The following PHACTR2 variants were observed in gnomAD, a reference collection of about 807,000 sequenced individuals.
PHACTR2 encodes the protein chromosome 6 open reading frame 56.
Under a neutral mutation model 76.0 loss-of-function variants are expected in PHACTR2, and 30 were observed. That is an observed-to-expected ratio of 0.39 (90% confidence interval 0.30 to 0.54). PHACTR2 has a LOEUF of 0.54. Among genes scored for constraint, PHACTR2 ranks in the 20% least tolerant of loss-of-function variants. PHACTR2 has a pLI of 0.61. For missense variants in PHACTR2, 696 were observed against 781.1 expected (o/e 0.89, Z 1.30); for synonymous variants, 292 against 292.5 (o/e 1.00, Z 0.02).
Position 143,751,754 on chromosome 6 carries a change from A to G in PHACTR2, c.296-2000A>G, listed in dbSNP as rs757084999. On this transcript the variant is annotated intron_variant, in intron 3 of 12. Coordinates refer to ENST00000440869, the MANE Select transcript of PHACTR2 (RefSeq NM_001100164.2). This position sits in a 1 kb window ranked among gnomAD's most constrained non-coding sequence, Gnocchi z 5.7. The stretch of plus-strand genomic sequence containing the variant: ...ATTGTCACCTGCCATCCAGCTCAGC[A>G]TCTTCTTGCCTTCCTTTGCTCTGCT... 3.4e-5 allele frequency among the ~76,000 whole-genome samples: 5 copies of G among 148,932 alleles called. No individual in the cohort carries two copies. Among genetic ancestry groups the G allele is most frequent in the African/African-American group, 4.9e-5 (2 of 40,552 alleles).
chr6:143,571,877 T>A lies in PHACTR2; in HGVS notation c.217+34670T>A, dbSNP rs11970446. On this transcript the variant is annotated intron_variant, in intron 1 of 11. Coordinates refer to the PHACTR2 transcript ENST00000367584. This position sits in a 1 kb window ranked among gnomAD's most constrained non-coding sequence, Gnocchi z 4.6. ...TGTTAGATTTATAACGTTCTGTTCATGTTCTTGGAAAATTAATATTTACCA... is the reference window on the plus strand; with the variant it reads ...TGTTAGATTTATAACGTTCTGTTCAAGTTCTTGGAAAATTAATATTTACCA... 0.27 allele frequency among the ~76,000 whole-genome samples: 41,640 copies of A among 152,098 alleles called. 5,731 individuals carry two copies. Among genetic ancestry groups the A allele is most frequent in the South Asian group, 0.39 (1,903 of 4,822 alleles).
Position 143,809,179 on chromosome 6 carries a change from A to G in PHACTR2, c.1922+2046A>G, listed in dbSNP as rs1776124407. 6.6e-6 allele frequency among the ~76,000 whole-genome samples: 1 copy of G among 152,238 alleles called. No individual in the cohort carries two copies. The highest frequency in any genetic ancestry group is 2.4e-5 in the African/African-American group (1 of 41,458). ...GATAGCATGATATAAAGAACAAATTACAGTCAAAAGGAATCAAATTTTAAA... is the reference window on the plus strand; with the variant it reads ...GATAGCATGATATAAAGAACAAATTGCAGTCAAAAGGAATCAAATTTTAAA... On this transcript the variant is annotated intron_variant, in intron 12 of 12. Coordinates refer to ENST00000440869, the MANE Select transcript of PHACTR2 (RefSeq NM_001100164.2). This position sits in a 1 kb window ranked among gnomAD's most constrained non-coding sequence, Gnocchi z 4.2.
At chr6:143,584,040 G>C (rs1051423437) in intron 1 of PHACTR2, among the ~76,000 whole-genome samples, 2 of 152,208 alleles carry the variant, frequency 1.3e-5, no homozygotes, top group African/African-American at 4.8e-5. Context: ...CTATCTTCCT[G>C]AAGTTGCCTA....
chr6:143,656,652 G>A lies in PHACTR2; in HGVS notation c.13+48330G>A, dbSNP rs754126457. Among the ~76,000 whole-genome samples, 3 of 152,040 alleles carry A rather than the reference G, an allele frequency of 2.0e-5. No homozygotes were observed. The highest frequency in any genetic ancestry group is 4.4e-5 in the Non-Finnish European group (3 of 68,002). ...TGTAGTTGAGTAAATATTACACCCG[G>A]TGTGTTGATTAATGAATAGATGTGA... is the stretch of plus-strand genomic sequence containing the variant. On this transcript the variant is annotated intron_variant, in intron 1 of 11. Transcript: ENST00000305766. The surrounding 1 kb of genome is among the most constrained non-coding windows in gnomAD (Gnocchi z 5.3).
rs1776164619 is a variant in PHACTR2 at position 143,811,032 on chromosome 6, A to T, written c.1922+3899A>T. Among the ~76,000 whole-genome samples, 1 of 152,114 alleles carries T rather than the reference A, an allele frequency of 6.6e-6. No homozygotes were observed. The highest frequency in any genetic ancestry group is 1.5e-5 in the Non-Finnish European group (1 of 68,006). ...TATATTCAAATCTATCTGTATTGTT[A>T]TGTTTTACTTCATTGTTTTGTGTCT... is the stretch of plus-strand genomic sequence containing the variant. On this transcript the variant is annotated intron_variant, in intron 12 of 12. Coordinates refer to ENST00000440869, the MANE Select transcript of PHACTR2 (RefSeq NM_001100164.2). This position sits in a 1 kb window ranked among gnomAD's most constrained non-coding sequence, Gnocchi z 4.1.
intron 6 of PHACTR2, among the ~76,000 whole-genome samples, chr6:143,769,693 T>G (rs1250913059): frequency 6.6e-6 from 1 of 152,136 alleles, no homozygotes; most frequent in Non-Finnish European, 1.5e-5. Flanking sequence ...ATAATCAATA[T>G]GATAATTAAT....
rs963751460 is a variant in PHACTR2 at position 143,807,498 on chromosome 6, G to T, written c.1922+365G>T. 3.3e-5 allele frequency among the ~76,000 whole-genome samples: 5 copies of T among 152,192 alleles called. No homozygotes were observed. The highest frequency in any genetic ancestry group is 9.7e-5 in the African/African-American group (4 of 41,438). On this transcript the variant is annotated intron_variant, in intron 12 of 12. Coordinates refer to ENST00000440869, the MANE Select transcript of PHACTR2 (RefSeq NM_001100164.2). This position sits in a 1 kb window ranked among gnomAD's most constrained non-coding sequence, Gnocchi z 5.5. ...TAAATCTTTTCTTTCAAGGAAGTCT[G>T]AATCATTCCATGGGGCTACATTTTG...
chr6:143,637,568 T>A (rs1776481523), intron 1 of PHACTR2, among the ~76,000 whole-genome samples: 1 of 152,214 alleles, frequency 6.6e-6, no homozygotes. Context: ...ACAGCTTGTA[T>A]GGGTCAGGAG....
chr6:143,670,242 G>C (rs1562264575), intron 1 of PHACTR2, among the ~76,000 whole-genome samples: 1 of 152,124 alleles, frequency 6.6e-6, no homozygotes, highest in African/African-American at 2.4e-5. Context: ...CTTTTTGTGG[G>C]TAACCCAACC....
chr6:143,711,796 C>T, intron 1 of PHACTR2: 1 of 720,074 alleles, frequency 1.4e-6, no homozygotes, highest in Non-Finnish European at 2.6e-6. Context: ...TGCTTCTAGT[C>T]TGTTTCCCCA....
At chr6:143,701,441 C>T (rs989021372) in intron 1 of PHACTR2, among the ~76,000 whole-genome samples, 24 of 152,256 alleles carry the variant, frequency 1.6e-4, no homozygotes, top group African/African-American at 5.8e-4. Context: ...TGAAATTAAC[C>T]GTGATGACAC....
chr6:143,820,444 G>A lies in PHACTR2; in HGVS notation c.1923-3230G>A, dbSNP rs1776393227. 6.6e-6 allele frequency among the ~76,000 whole-genome samples: 1 copy of A among 152,196 alleles called. No homozygotes were observed. Among genetic ancestry groups the A allele is most frequent in the South Asian group, 2.1e-4 (1 of 4,830 alleles). ...GGGTAAACATTCCCGTTCCCAAAGG[G>A]AGAAATCAGACAAAAGAAGGTGGCT... On this transcript the variant is annotated intron_variant, in intron 12 of 12. Transcript: ENST00000440869. The surrounding 1 kb of genome is among the most constrained non-coding windows in gnomAD (Gnocchi z 4.2).
chr6:143,553,891 G>A lies in PHACTR2; in HGVS notation c.217+16684G>A, dbSNP rs1440450758. 1.3e-5 allele frequency among the ~76,000 whole-genome samples: 2 copies of A among 152,144 alleles called. No individual in the cohort carries two copies. The highest frequency in any genetic ancestry group is 4.8e-5 in the African/African-American group (2 of 41,424). On this transcript the variant is annotated intron_variant, in intron 1 of 11. Coordinates refer to the PHACTR2 transcript ENST00000367584. This position sits in a 1 kb window ranked among gnomAD's most constrained non-coding sequence, Gnocchi z 4.2. ...CCAAGGCAGGCCCCACTGAGAAGGT[G>A]GCATTTGAAGAAAGGCCTGAGAGAA...
intron 1 of PHACTR2, among the ~76,000 whole-genome samples, chr6:143,666,503 C>T (rs1329952509): frequency 6.6e-6 from 1 of 152,134 alleles, no homozygotes; most frequent in African/African-American, 2.4e-5. Context: ...AACAGTGTAA[C>T]AGCATTCCCA....
rs143166926 is a variant in PHACTR2, at chr6:143,814,114, G to A, written c.1922+6981G>A. ...CTCATGCCTGTAATCCCAGTACTTT[G>A]GGGGGCCGTGGCCAGAGGATCACAT... On this transcript the variant is annotated intron_variant, in intron 12 of 12. Transcript: ENST00000440869. 1.2e-4 allele frequency among the ~76,000 whole-genome samples: 19 copies of A among 152,304 alleles called. No homozygotes were observed. The South Asian group carries it at 3.5e-3, about 28-fold the overall frequency.
chr6:143,542,863 G>A (rs867014496), intron 1 of PHACTR2, among the ~76,000 whole-genome samples: 1 of 152,206 alleles, frequency 6.6e-6, no homozygotes, highest in Non-Finnish European at 1.5e-5. Flanking sequence ...CACTGGAGCC[G>A]AAACCAGTTG....
rs1206323449 is a variant in PHACTR2, at chr6:143,800,194, G to A, written c.1846-6863G>A. On this transcript the variant is annotated intron_variant, in intron 11 of 12. Transcript: ENST00000440869. The surrounding 1 kb of genome is among the most constrained non-coding windows in gnomAD (Gnocchi z 4.8). ...TAAAGTCTGTTTTATCAGAGACCAG[G>A]ATTGCAACCTGTGCTATTTTTTTAC... 6.6e-6 allele frequency among the ~76,000 whole-genome samples: 1 copy of A among 152,124 alleles called. No individual in the cohort carries two copies. The highest frequency in any genetic ancestry group is 2.4e-5 in the African/African-American group (1 of 41,438).
At chr6:143,814,126 C>G (rs1480020295) in intron 12 of PHACTR2, among the ~76,000 whole-genome samples, 1 of 152,118 alleles carries the variant, frequency 6.6e-6, no homozygotes, top group East Asian at 1.9e-4. Flanking sequence ...GGGGCCGTGG[C>G]CAGAGGATCA....
intron 11 of PHACTR2, among the ~76,000 whole-genome samples, chr6:143,803,000 C>G (rs968768478): frequency 3.3e-5 from 5 of 152,120 alleles, no homozygotes; most frequent in African/African-American, 7.2e-5. Context: ...ACTGACTCAT[C>G]ATTTCTAATT....
Sources: allele counts gnomAD v4.1 joint callset (sites outside exome capture counted in the v4.1 genomes callset), GRCh38; gene constraint gnomAD v4.1.1; non-coding constraint Gnocchi (gnomAD v3.1); transcripts MANE v1.5; gene names NCBI Gene and HGNC (gene_info 2026-07-23, HGNC 2026-07-21).